Variants in CACNA1E observed in about 807,000 individuals in gnomAD.
CACNA1E encodes the protein voltage-dependent R-type calcium channel subunit alpha-1E.
CACNA1E carries 40 observed loss-of-function variants against 259.2 expected under a neutral mutation model. The ratio of observed to expected loss-of-function variants is 0.15; its 90% CI spans 0.12 to 0.20. The LOEUF (loss-of-function observed/expected upper bound fraction) is 0.20. Among genes scored for constraint, CACNA1E ranks in the 10% least tolerant of loss-of-function variants. The pLI is 1.00. For missense variants in CACNA1E, 1,874 were observed against 3,040.1 expected, an observed-to-expected ratio of 0.62 and a Z score of 9.02; for synonymous variants, 1,104 against 1,138.5, an observed-to-expected ratio of 0.97 and a Z score of 0.61.
chr1:181,425,287 C>G (rs1486090046), intron 2 of CACNA1E, among the ~76,000 whole-genome samples: 2 of 152,054 alleles, frequency 1.3e-5, no homozygotes, highest in Non-Finnish European at 2.9e-5. Flanking sequence ...CCCCGAGACT[C>G]CCACCGCAGT....
chr1:181,791,590 A>C (rs1367806008), intron 44 of CACNA1E, among the ~76,000 whole-genome samples: 7 of 152,196 alleles, frequency 4.6e-5, no homozygotes, highest in African/African-American at 1.7e-4. Flanking sequence ...TGGTTCCTAA[A>C]CATCATTGAC....
intron 3 of CACNA1E, among the ~76,000 whole-genome samples, chr1:181,518,636 G>C (rs989198033): frequency 4.6e-5 from 7 of 152,206 alleles, no homozygotes; most frequent in African/African-American, 1.4e-4. Context: ...TTGATGGGCA[G>C]CTGAGTTGGG....
intron 7 of CACNA1E, among the ~76,000 whole-genome samples, chr1:181,658,636 C>T (rs1267656941): frequency 6.6e-6 from 1 of 152,130 alleles, no homozygotes; most frequent in East Asian, 1.9e-4. Flanking sequence ...ATCCAGCTGT[C>T]GGGCCATGGG....
intron 6 of CACNA1E, among the ~76,000 whole-genome samples, chr1:181,632,202 C>A (rs1306472144): frequency 5.9e-5 from 9 of 151,464 alleles, no homozygotes; most frequent in African/African-American, 2.2e-4. Context: ...TGAGGGATAG[C>A]AAGAGTGGGG....
At chr1:181,335,211 C>T (rs886293424) in intron 1 of CACNA1E, among the ~76,000 whole-genome samples, 1 of 152,222 alleles carries the variant, frequency 6.6e-6, no homozygotes, top group Admixed American at 6.5e-5. Context: ...ACAGGATCCA[C>T]ACTGTCTTTC....
chr1:181,713,003 C>T (rs141402797), intron 8 of CACNA1E, among the ~76,000 whole-genome samples: 5 of 152,328 alleles, frequency 3.3e-5, no homozygotes, highest in East Asian at 1.9e-4. Context: ...CGCACTGCGA[C>T]GTCAAAGTGT....
At chr1:181,408,570 T>C (rs1384768542) in intron 1 of CACNA1E, among the ~76,000 whole-genome samples, 1 of 152,008 alleles carries the variant, frequency 6.6e-6, no homozygotes, top group African/African-American at 2.4e-5. Context: ...GCAGGGTGCT[T>C]GTGTGGGGGT....
intron 6 of CACNA1E, among the ~76,000 whole-genome samples, chr1:181,591,539 A>T (rs1652644506): frequency 1.3e-5 from 2 of 152,066 alleles, no homozygotes; most frequent in African/African-American, 4.8e-5. Context: ...GTGATATTGA[A>T]TAAATGTTCT....
upstream of CACNA1E, among the ~76,000 whole-genome samples, chr1:181,480,153 G>A (rs1055490546): frequency 6.6e-6 from 1 of 152,090 alleles, no homozygotes; most frequent in East Asian, 1.9e-4. Flanking sequence ...TGCCTTGGGG[G>A]CTGGTAGAAT....
intron 44 of CACNA1E, among the ~76,000 whole-genome samples, chr1:181,791,268 G>A (rs554887442): frequency 3.3e-5 from 5 of 152,286 alleles, no homozygotes; most frequent in Admixed American, 1.3e-4. Flanking sequence ...TCAGGAGATC[G>A]AGACCATCCT....
At chr1:181,572,479 C>T (rs1650512839) in intron 3 of CACNA1E, among the ~76,000 whole-genome samples, 1 of 152,184 alleles carries the variant, frequency 6.6e-6, no homozygotes, top group African/African-American at 2.4e-5. Flanking sequence ...GTGTGCAGAA[C>T]ATGATACCTG....
intron 2 of CACNA1E, among the ~76,000 whole-genome samples, chr1:181,435,242 C>A (rs1005674061): frequency 6.6e-6 from 1 of 152,184 alleles, no homozygotes; most frequent in Non-Finnish European, 1.5e-5. Flanking sequence ...TTAAAAAATT[C>A]TCTTTGCCTA....
At chr1:181,322,922 G>A (rs1447178903) in intron 1 of CACNA1E, among the ~76,000 whole-genome samples, 1 of 152,244 alleles carries the variant, frequency 6.6e-6, no homozygotes, top group Non-Finnish European at 1.5e-5. Flanking sequence ...GCACCAGGAT[G>A]AAGGTGTGAT....
chr1:181,422,233 T>A (rs1658801081), intron 2 of CACNA1E, among the ~76,000 whole-genome samples: 3 of 152,246 alleles, frequency 2.0e-5, no homozygotes, highest in Non-Finnish European at 2.9e-5. Context: ...CACAAGAATG[T>A]TGGTGCCGTG....
intron 3 of CACNA1E, among the ~76,000 whole-genome samples, chr1:181,520,666 G>A (rs683927): frequency 0.5 from 76,243 of 151,978 alleles, 19,449 homozygotes; most frequent in South Asian, 0.57. Context: ...CACATAGGAT[G>A]TATCTTATTT....
chr1:181,471,609 A>T (rs1662513932), intron 2 of CACNA1E, among the ~76,000 whole-genome samples: 1 of 152,078 alleles, frequency 6.6e-6, no homozygotes, highest in Non-Finnish European at 1.5e-5. Context: ...AATGTTTTTC[A>T]ATTAAGAAAA....
chr1:181,362,247 A>G (rs762978351), intron 1 of CACNA1E, among the ~76,000 whole-genome samples: 6 of 152,248 alleles, frequency 3.9e-5, no homozygotes, highest in Non-Finnish European at 8.8e-5. Flanking sequence ...TGTGTCTGTC[A>G]AACTCCTGAC....
chr1:181,618,009 C>T (rs1261888924), intron 6 of CACNA1E, among the ~76,000 whole-genome samples: 1 of 152,150 alleles, frequency 6.6e-6, no homozygotes, highest in African/African-American at 2.4e-5. Flanking sequence ...GTTGATATGG[C>T]TTTTTCCCCC....
chr1:181,351,366 T>G (rs917859660), intron 1 of CACNA1E, among the ~76,000 whole-genome samples: 48 of 152,276 alleles, frequency 3.2e-4, no homozygotes, highest in Admixed American at 3.1e-3. Flanking sequence ...AGAAGAATGG[T>G]CCTACCCTGG....
Sources: gnomAD v4.1 joint callset for allele counts (sites outside exome capture counted in the v4.1 genomes callset) on GRCh38, gnomAD v4.1.1 for gene constraint, MANE v1.5 for transcripts, NCBI Gene and HGNC (gene_info 2026-07-23, HGNC 2026-07-21) for gene names.